The following HS6ST3 variants were observed in gnomAD, a reference collection of about 807,000 sequenced individuals.
The protein encoded by HS6ST3 is heparan sulfate 6-O-sulfotransferase 3, also known as heparan-sulfate 6-O-sulfotransferase 3.
HS6ST3 carries 12 observed loss-of-function variants against 36.7 expected under a neutral mutation model. The observed-to-expected ratio is 0.33, with a 90% CI of 0.21 to 0.53. HS6ST3 has a LOEUF of 0.53. HS6ST3 is among the 20% of genes least tolerant of loss of function. The pLI is 0.95. For missense variants in HS6ST3, 584 were observed against 640.9 expected, an observed-to-expected ratio of 0.91 and a Z score of 0.96; for synonymous variants, 240 against 257.5, an observed-to-expected ratio of 0.93 and a Z score of 0.65.
chr13:96,655,798 G>T (rs774982669), intron 1 of HS6ST3, among the ~76,000 whole-genome samples: 1 of 152,082 alleles, frequency 6.6e-6, no homozygotes, highest in Non-Finnish European at 1.5e-5. Context: ...GGAGAGATGG[G>T]TAACACTACT....
intron 1 of HS6ST3, among the ~76,000 whole-genome samples, chr13:96,633,234 A>G (rs547457589): frequency 6.1e-4 from 93 of 152,328 alleles, no homozygotes; most frequent in African/African-American, 2.2e-3. Flanking sequence ...GCATATGCAT[A>G]AAACACAATG....
intron 1 of HS6ST3, among the ~76,000 whole-genome samples, chr13:96,734,232 A>G (rs1265945357): frequency 6.6e-6 from 1 of 152,224 alleles, no homozygotes; most frequent in Non-Finnish European, 1.5e-5. Context: ...CTCACAAGTA[A>G]GTGCTGCACA....
At chr13:96,170,926 C>T (rs1566898763) in intron 1 of HS6ST3, among the ~76,000 whole-genome samples, 1 of 152,228 alleles carries the variant, frequency 6.6e-6, no homozygotes, top group Non-Finnish European at 1.5e-5. Flanking sequence ...AACACACGCG[C>T]ACGTGCGCAC....
chr13:96,441,071 C>G (rs1396487775), intron 1 of HS6ST3, among the ~76,000 whole-genome samples: 1 of 152,102 alleles, frequency 6.6e-6, no homozygotes, highest in Non-Finnish European at 1.5e-5. Flanking sequence ...CTAGCTGGCT[C>G]TCCCTCCACC....
chr13:96,617,227 A>G (rs2056477779), intron 1 of HS6ST3, among the ~76,000 whole-genome samples: 1 of 152,204 alleles, frequency 6.6e-6, no homozygotes, highest in African/African-American at 2.4e-5. Flanking sequence ...CCTTGATTAA[A>G]CCTTACTAAC....
In HS6ST3 at chr13:96,533,773, C is replaced by G. The variant is rs374499279; in HGVS notation, c.708-298717C>G. ...AGAAGCACAGTCTCATTTGATCCGG[C>G]CTTGAGGTCTTTGCAGGCATTCACA... On this transcript the variant is annotated intron_variant, in intron 1 of 1. Coordinates refer to ENST00000376705, the MANE Select transcript of HS6ST3 (RefSeq NM_153456.4). Among the ~76,000 whole-genome samples the G allele has an allele frequency of 3.3e-5, 5 of 152,198 alleles. No homozygotes were observed. In the East Asian group the frequency reaches 7.7e-4, roughly 23 times the overall value.
At chr13:96,804,833 A>G (rs1051352302) in intron 1 of HS6ST3, among the ~76,000 whole-genome samples, 3 of 152,210 alleles carry the variant, frequency 2.0e-5, no homozygotes, top group African/African-American at 7.2e-5. Flanking sequence ...GCTACAATTT[A>G]GAACACAGGA....
chr13:96,768,962 G>A lies in HS6ST3; in HGVS notation c.708-63528G>A, dbSNP rs556265887. Among the ~76,000 whole-genome samples the A allele has an allele frequency of 4.6e-5, 7 of 152,176 alleles. No homozygotes were observed. The South Asian group carries it at 1.0e-3, about 23-fold the overall frequency. On this transcript the variant is annotated intron_variant, in intron 1 of 1. Transcript: ENST00000376705. Reference sequence around the variant, plus strand: ...AGCAGGTTGACAACAGGAAAGACCCGATCATTGTTCCAGCTCTAACAAACT... The same window carrying A: ...AGCAGGTTGACAACAGGAAAGACCCAATCATTGTTCCAGCTCTAACAAACT...
chr13:96,486,617 T>C (rs1202803017), intron 1 of HS6ST3, among the ~76,000 whole-genome samples: 3 of 152,224 alleles, frequency 2.0e-5, no homozygotes, highest in African/African-American at 7.2e-5. Context: ...TGATGGCCAG[T>C]GATGATGAGC....
intron 1 of HS6ST3, among the ~76,000 whole-genome samples, chr13:96,297,179 T>G (rs1285489730): frequency 6.6e-6 from 1 of 152,156 alleles, no homozygotes; most frequent in Non-Finnish European, 1.5e-5. Context: ...AAACTATTTT[T>G]TTTCCTATTT....
At chr13:96,121,455 G>A (rs1469049617) in intron 1 of HS6ST3, among the ~76,000 whole-genome samples, 1 of 152,190 alleles carries the variant, frequency 6.6e-6, no homozygotes, top group Non-Finnish European at 1.5e-5. Flanking sequence ...TACAACATAC[G>A]TTGACATCTT....
At chr13:96,577,712 C>G (rs1225756412) in intron 1 of HS6ST3, among the ~76,000 whole-genome samples, 1 of 152,086 alleles carries the variant, frequency 6.6e-6, no homozygotes, top group Admixed American at 6.6e-5. Context: ...CAAAAGAAGA[C>G]ATTTATGCAG....
intron 1 of HS6ST3, among the ~76,000 whole-genome samples, chr13:96,146,206 C>G (rs1441016384): frequency 2.0e-5 from 3 of 152,120 alleles, no homozygotes; most frequent in East Asian, 3.9e-4. Flanking sequence ...TCATTGGTAG[C>G]TTGATGGGGA....
At chr13:96,826,483 G>C (rs759188793) in intron 1 of HS6ST3, among the ~76,000 whole-genome samples, 2 of 152,030 alleles carry the variant, frequency 1.3e-5, no homozygotes, top group Non-Finnish European at 2.9e-5. Context: ...CTAGGGATCT[G>C]AGGCCTAAGG....
In HS6ST3 at chr13:96,310,473, G is replaced by GA. The variant is rs201831013; in HGVS notation, c.707+218912dup. 7.4e-4 allele frequency among the ~76,000 whole-genome samples: 112 copies of GA among 151,740 alleles called. 2 individuals are homozygous for GA. Among genetic ancestry groups the GA allele is most frequent in the African/African-American group, 2.5e-3 (104 of 41,410 alleles). ...TTTGAGAGATTCTAAAAATGGGCTG[G>GA]AAAAAAAACAAGTTAAATCTAACAA... On this transcript the variant is annotated intron_variant, in intron 1 of 1. Coordinates refer to ENST00000376705, the MANE Select transcript of HS6ST3 (RefSeq NM_153456.4).
chr13:96,651,085 A>C (rs1228015160), intron 1 of HS6ST3, among the ~76,000 whole-genome samples: 2 of 152,058 alleles, frequency 1.3e-5, no homozygotes, highest in Admixed American at 6.6e-5. Flanking sequence ...CTGACTTCTT[A>C]GTCTAGAATT....
intron 1 of HS6ST3, among the ~76,000 whole-genome samples, chr13:96,281,010 C>T (rs975351997): frequency 6.6e-6 from 1 of 151,782 alleles, no homozygotes; most frequent in Non-Finnish European, 1.5e-5. Context: ...AAATTTGTAT[C>T]TTTTTTTTCT....
At chr13:96,321,045 C>A (rs866047180) in intron 1 of HS6ST3, among the ~76,000 whole-genome samples, 15 of 152,078 alleles carry the variant, frequency 9.9e-5, no homozygotes, top group Admixed American at 2.6e-4. Context: ...GCACAATTAT[C>A]CCCTTTCATT....
At chr13:96,164,395 T>C (rs1021462039) in intron 1 of HS6ST3, among the ~76,000 whole-genome samples, 9 of 151,758 alleles carry the variant, frequency 5.9e-5, no homozygotes, top group Admixed American at 3.9e-4. Flanking sequence ...CTATACAAAA[T>C]TAAAAACATG....
Sources: gnomAD v4.1 joint callset for allele counts (sites outside exome capture counted in the v4.1 genomes callset) on GRCh38, gnomAD v4.1.1 for gene constraint, MANE v1.5 for transcripts, NCBI Gene and HGNC (gene_info 2026-07-23, HGNC 2026-07-21) for gene names.